The following SNX18 variants were observed in gnomAD, a reference collection of about 807,000 sequenced individuals.
SNX18 encodes sorting nexin-18.
Under a neutral mutation model 48.7 loss-of-function variants are expected in SNX18, and 35 were observed. That is an observed-to-expected ratio of 0.72 (90% CI 0.55 to 0.95). The LOEUF (loss-of-function observed/expected upper bound fraction) is 0.95. SNX18 is among the 40% of genes least tolerant of loss of function. The pLI is 0.00. For synonymous variants in SNX18, 492 were observed against 384.7 expected, an observed-to-expected ratio of 1.28 and a Z score of -3.26; for missense variants, 824 against 871.0, an observed-to-expected ratio of 0.95 and a Z score of 0.68.
chr5:54,527,510 A>G (rs1007029136), intron 1 of SNX18, among the ~76,000 whole-genome samples: 7 of 152,194 alleles, frequency 4.6e-5, no homozygotes, highest in Non-Finnish European at 8.8e-5. Context: ...CTACAATAAG[A>G]ATTGTCAGAA....
At chr5:54,598,464 A>C in the SNX18 span, among the ~76,000 whole-genome samples, 1 of 152,248 alleles carries the variant, frequency 6.6e-6, no homozygotes, top group Non-Finnish European at 1.5e-5. Flanking sequence ...CCTGATGAAC[A>C]TCAATGTAAA....
At chr5:54,607,046 T>C in the SNX18 span, among the ~76,000 whole-genome samples, 1 of 152,260 alleles carries the variant, frequency 6.6e-6, no homozygotes, top group Non-Finnish European at 1.5e-5. Flanking sequence ...TTCAAAAATG[T>C]TATATAAATG....
chr5:54,554,035 G>A, the SNX18 span, among the ~76,000 whole-genome samples: 7 of 152,314 alleles, frequency 4.6e-5, no homozygotes, highest in Non-Finnish European at 7.3e-5. Context: ...CTGGGCCTCC[G>A]TGGAGCTCCC....
the SNX18 span, among the ~76,000 whole-genome samples, chr5:54,599,185 G>A: frequency 6.6e-6 from 1 of 152,092 alleles, no homozygotes; most frequent in Non-Finnish European, 1.5e-5. Context: ...GACAATGCTG[G>A]CCTCATAGAA....
At chr5:54,609,412 C>A in the SNX18 span, among the ~76,000 whole-genome samples, 1 of 152,058 alleles carries the variant, frequency 6.6e-6, no homozygotes. Context: ...CAAAACACAT[C>A]TTATCTCTCC....
the SNX18 span, among the ~76,000 whole-genome samples, chr5:54,574,830 G>A: frequency 2.0e-5 from 3 of 152,146 alleles, no homozygotes; most frequent in African/African-American, 7.2e-5. Flanking sequence ...CCAGCGAGAT[G>A]CAGAGCCAAC....
the SNX18 span, among the ~76,000 whole-genome samples, chr5:54,570,878 T>C: frequency 1.1e-4 from 17 of 152,232 alleles, no homozygotes; most frequent in Admixed American, 1.1e-3. Context: ...TTTAAGTATT[T>C]TTAAATGAAA....
At chr5:54,612,925 G>A in the SNX18 span, among the ~76,000 whole-genome samples, 1 of 152,326 alleles carries the variant, frequency 6.6e-6, no homozygotes, top group East Asian at 1.9e-4. Context: ...CCAGACGTAA[G>A]GCATCTAATC....
At chr5:54,578,721 C>T in the SNX18 span, among the ~76,000 whole-genome samples, 1 of 152,180 alleles carries the variant, frequency 6.6e-6, no homozygotes, top group African/African-American at 2.4e-5. Flanking sequence ...ATGAGGCCAG[C>T]TGTACCTCCT....
At chr5:54,533,213 G>C (rs1762283869) in intron 1 of SNX18, among the ~76,000 whole-genome samples, 1 of 152,084 alleles carries the variant, frequency 6.6e-6, no homozygotes, top group South Asian at 2.1e-4. Flanking sequence ...GAATTAAAAA[G>C]TGAATTTTAA....
chr5:54,542,629 A>G (rs1224204478), intron 1 of SNX18, among the ~76,000 whole-genome samples: 2 of 152,244 alleles, frequency 1.3e-5, no homozygotes, highest in African/African-American at 4.8e-5. Context: ...AACATTGCCA[A>G]GCACCCTCCA....
the SNX18 span, among the ~76,000 whole-genome samples, chr5:54,607,735 C>A: frequency 6.6e-6 from 1 of 152,094 alleles, no homozygotes; most frequent in Non-Finnish European, 1.5e-5. Context: ...GAGTTCGCGA[C>A]CAGCCTGGAC....
chr5:54,633,289 GTTTTGTATCCC>G, the SNX18 span, among the ~76,000 whole-genome samples: 1 of 152,238 alleles, frequency 6.6e-6, no homozygotes, highest in South Asian at 2.1e-4. Context: ...AGAAGTTTGA[GTTTTGTATCCC>G]AAGCAGGTGG....
At chr5:54,645,612 T>C in the SNX18 span, 1 of 152,226 alleles carries the variant, frequency 6.6e-6, no homozygotes, top group African/African-American at 2.4e-5. Flanking sequence ...AGAGTTGGCA[T>C]AAAAGACACA....
chr5:54,549,772 A>C (rs1025322080), downstream of SNX18, among the ~76,000 whole-genome samples: 3 of 151,906 alleles, frequency 2.0e-5, no homozygotes, highest in African/African-American at 7.3e-5. Context: ...TCACGTCCCA[A>C]CCCTGGCCTC....
the SNX18 span, among the ~76,000 whole-genome samples, chr5:54,622,380 T>A: frequency 6.6e-6 from 1 of 152,004 alleles, no homozygotes; most frequent in East Asian, 1.9e-4. Context: ...GCACCTGTAG[T>A]CCCAGCTACT....
intron 1 of SNX18, among the ~76,000 whole-genome samples, chr5:54,541,318 G>A (rs778653200): frequency 5.3e-5 from 8 of 152,058 alleles, no homozygotes; most frequent in East Asian, 1.9e-4. Flanking sequence ...GTGAGCCACC[G>A]CGCCCGGCCC....
At chr5:54,584,108 T>C in the SNX18 span, among the ~76,000 whole-genome samples, 1 of 146,176 alleles carries the variant, frequency 6.8e-6, no homozygotes. Context: ...TGGAGTGCAG[T>C]GGCACAATCT....
chr5:54,528,124 A>G (rs762689332), intron 1 of SNX18, among the ~76,000 whole-genome samples: 9 of 134,366 alleles, frequency 6.7e-5, no homozygotes, highest in Non-Finnish European at 1.3e-4. Context: ...AAACTTACGC[A>G]TGCATACACG....
Sources: gnomAD v4.1 joint callset for allele counts (sites outside exome capture counted in the v4.1 genomes callset) on GRCh38, gnomAD v4.1.1 for gene constraint, MANE v1.5 for transcripts, NCBI Gene and HGNC (gene_info 2026-07-23, HGNC 2026-07-21) for gene names.